Variants in SLC3A1 observed in about 807,000 individuals in gnomAD.
SLC3A1 encodes the protein amino acid transporter heavy chain SLC3A1.
Under a neutral mutation model 60.3 loss-of-function variants are expected in SLC3A1, and 78 were observed. That is an observed-to-expected ratio of 1.29 (90% CI 1.08 to 1.56). The LOEUF (loss-of-function observed/expected upper bound fraction) is 1.56. Among genes scored for constraint, SLC3A1 ranks in the 40% most tolerant of loss-of-function variants. The probability of loss-of-function intolerance (pLI) is 0.00; values close to 1 mark genes in which losing one functional copy is unlikely to be tolerated. For missense variants in SLC3A1, 1,172 were observed against 858.9 expected (o/e 1.36, Z -4.56); for synonymous variants, 392 against 307.9 (o/e 1.27, Z -2.86).
chr2:44,295,147 G>T (rs867469808), intron 4 of SLC3A1, among the ~76,000 whole-genome samples: 4 of 152,180 alleles, frequency 2.6e-5, no homozygotes, highest in Non-Finnish European at 4.4e-5. Flanking sequence ...ATCTGAAAAG[G>T]AAAGGCTTGG....
At chr2:44,308,738 T>TG (rs1190074267) in intron 7 of SLC3A1, among the ~76,000 whole-genome samples, 1 of 152,146 alleles carries the variant, frequency 6.6e-6, no homozygotes, top group Non-Finnish European at 1.5e-5. Flanking sequence ...AAGAATTTTT[T>TG]TTTTTTTAAT....
intron 7 of SLC3A1, 77 bp from the exon 8 acceptor site, chr2:44,312,509 G>C: frequency 6.6e-7 from 1 of 1,518,266 alleles, no homozygotes; most frequent in Admixed American, 1.7e-5. Flanking sequence ...GCTACGTTGT[G>C]AACTTTCTGT....
At chr2:44,309,586 G>C (rs1046642890) in intron 7 of SLC3A1, among the ~76,000 whole-genome samples, 6 of 152,110 alleles carry the variant, frequency 3.9e-5, no homozygotes, top group Non-Finnish European at 8.8e-5. Flanking sequence ...GGAATTGCTG[G>C]ATCACATAAT....
At chr2:44,276,033 A>C in intron 1 of SLC3A1, 68 bp downstream of exon 1, 1 of 1,435,392 alleles carries the variant, frequency 7.0e-7, no homozygotes, top group South Asian at 1.2e-5. Flanking sequence ...TTTGTTCTTC[A>C]GAACCAAATT....
intron 5 of SLC3A1, among the ~76,000 whole-genome samples, chr2:44,300,380 C>CATTT (rs1275518377): frequency 6.6e-6 from 1 of 152,136 alleles, no homozygotes; most frequent in Non-Finnish European, 1.5e-5. Flanking sequence ...AAATAGAGGA[C>CATTT]ATTTACTCCT....
chr2:44,286,202 AG>A (rs776332077), intron 4 of SLC3A1, 45 bp downstream of exon 4: 12 of 1,589,452 alleles, frequency 7.5e-6, no homozygotes, highest in Non-Finnish European at 1.0e-5. Context: ...ATGGAGGTTT[AG>A]GTATTTATTT....
chr2:44,277,403 C>T (rs1221387914), intron 1 of SLC3A1, among the ~76,000 whole-genome samples: 2 of 152,012 alleles, frequency 1.3e-5, no homozygotes, highest in Non-Finnish European at 2.9e-5. Flanking sequence ...CCACCGCATC[C>T]GGCTGTATCA....
At chr2:44,300,232 A>G in intron 5 of SLC3A1, 142 bp downstream of exon 5, 1 of 874,472 alleles carries the variant, frequency 1.1e-6, no homozygotes, top group East Asian at 2.6e-5. Flanking sequence ...TCTTTAGGAA[A>G]TGTGCAAGAG....
chr2:44,319,196 A>C (rs1003388241), intron 9 of SLC3A1: 2 of 152,664 alleles, frequency 1.3e-5, no homozygotes, highest in Non-Finnish European at 2.9e-5. Flanking sequence ...ACCTACCCCT[A>C]AAGAACAATA....
At chr2:44,303,784 TGTGTTCTC>T (rs1672079589) in intron 6 of SLC3A1, 1 of 411,432 alleles carries the variant, frequency 2.4e-6, no homozygotes, top group Non-Finnish European at 4.6e-6. Context: ...CCTGTGTCCA[TGTGTTCTC>T]GTTATTCAAC....
Position 44,320,990 on chromosome 2 carries a change from C to T in SLC3A1, c.*351C>T. On this transcript the variant is annotated 3_prime_UTR_variant, in exon 10 of 10. Transcript: ENST00000260649. ...TAGAAATTAGAGGATGACTCACTGC[C>T]ACAGTGTCTAAAAGCATTTGCTAGC... is the stretch of plus-strand genomic sequence containing the variant. 2.5e-6 allele frequency: 1 copy of T among 396,652 alleles called. No individual in the cohort carries two copies. Among genetic ancestry groups the T allele is most frequent in the South Asian group, 2.6e-5 (1 of 39,014 alleles). The allele number at this position is 396,652 out of a possible 1,614,324, so 24.6% of individuals were successfully genotyped here.
chr2:44,291,107 C>G (rs1671732006), intron 4 of SLC3A1, among the ~76,000 whole-genome samples: 1 of 152,178 alleles, frequency 6.6e-6, no homozygotes. Flanking sequence ...GACACTCGGA[C>G]TTGAGTTCAT....
At chr2:44,285,556 T>A in intron 3 of SLC3A1, 1 of 410,526 alleles carries the variant, frequency 2.4e-6, no homozygotes, top group Non-Finnish European at 4.9e-6. Context: ...TCTTGGAGAC[T>A]GGTAGAGATT....
chr2:44,315,544 T>G (rs542364305), intron 9 of SLC3A1, among the ~76,000 whole-genome samples: 63 of 148,434 alleles, frequency 4.2e-4, no homozygotes, highest in Non-Finnish European at 4.5e-5. Flanking sequence ...CCTGGTGACA[T>G]GTGCCTGTCA....
intron 4 of SLC3A1, among the ~76,000 whole-genome samples, chr2:44,298,491 G>C (rs937272061): frequency 7.2e-5 from 11 of 152,172 alleles, no homozygotes; most frequent in African/African-American, 2.7e-4. Context: ...CAATTCTCAT[G>C]CTCAGCCTCC....
chr2:44,300,199 TCTAG>T lies in SLC3A1; in HGVS notation c.1011+111_1011+114del. 5 of 1,086,028 alleles carry T rather than the reference TCTAG, an allele frequency of 4.6e-6. No homozygotes were observed. The South Asian group carries it at 5.2e-5, about 11-fold the overall frequency. The allele number at this position is 1,086,028 out of a possible 1,614,324, so 67.3% of individuals were successfully genotyped here. ...TTACAAAGATGAGTTTTGTCCTGTG[TCTAG>T]CAAGTACCCTGATTTATTTCTTTAG... On this transcript the variant is annotated intron_variant, in intron 5 of 9. Transcript: ENST00000260649.
chr2:44,288,589 C>T (rs1671669048), intron 4 of SLC3A1, among the ~76,000 whole-genome samples: 1 of 152,210 alleles, frequency 6.6e-6, no homozygotes, highest in Admixed American at 6.5e-5. Flanking sequence ...TTCAAAGCAG[C>T]TGCATAATTT....
chr2:44,306,920 A>T (rs942560842), intron 7 of SLC3A1, among the ~76,000 whole-genome samples: 3 of 152,074 alleles, frequency 2.0e-5, no homozygotes, highest in African/African-American at 2.4e-5. Flanking sequence ...GAATTATGCA[A>T]CCATCACCAA....
In SLC3A1 at chr2:44,280,711, T is replaced by G; in HGVS notation, c.431-5T>G. On this transcript the variant is annotated splice_polypyrimidine_tract_variant and splice_region_variant and intron_variant, in intron 1 of 9. Coordinates refer to ENST00000260649, the MANE Select transcript of SLC3A1 (RefSeq NM_000341.4). ...TTTATTCATGACTTTGACTTTTTTC[T>G]TCAGGTATTCAAGATAAACTGGACT... The G allele has an allele frequency of 6.2e-7, 1 of 1,600,606 alleles. No individual in the cohort carries two copies. Among genetic ancestry groups the G allele is most frequent in the Non-Finnish European group, 8.6e-7 (1 of 1,168,186 alleles).
Sources: allele counts gnomAD v4.1 joint callset (sites outside exome capture counted in the v4.1 genomes callset), GRCh38; gene constraint gnomAD v4.1.1; transcripts MANE v1.5; gene names NCBI Gene and HGNC (gene_info 2026-07-23, HGNC 2026-07-21).